The following ACSM1 variants were observed in gnomAD, a reference collection of about 807,000 sequenced individuals.
ACSM1 encodes acyl-CoA synthetase medium chain family member 1.
A neutral mutation model predicts 75.8 loss-of-function variants in ACSM1; 79 were observed. The ratio of observed to expected loss-of-function variants is 1.04; its 90% CI spans 0.87 to 1.26. ACSM1 has a LOEUF of 1.26. Among genes scored for constraint, ACSM1 ranks in the 50% most tolerant of loss-of-function variants. ACSM1 has a pLI of 0.00. For synonymous variants in ACSM1, 279 were observed against 265.8 expected (o/e 1.05, Z -0.48); for missense variants, 676 against 720.1 (o/e 0.94, Z 0.70).
intron 1 of ACSM1, among the ~76,000 whole-genome samples, chr16:20,695,676 CT>C (rs2079686092): frequency 1.4e-5 from 2 of 143,700 alleles, no homozygotes; most frequent in Non-Finnish European, 3.0e-5. Flanking sequence ...TTCTATCTAT[CT>C]ATCATCTATC....
chr16:20,637,346 C>T (rs1417786973), intron 9 of ACSM1, 25 bp downstream of exon 9: 1 of 1,608,072 alleles, frequency 6.2e-7, no homozygotes, highest in African/African-American at 1.3e-5. Context: ...CTAACTGCTC[C>T]CTGCCAATGC....
At chr16:20,685,830 AACAAAC>A (rs1456202353) in intron 2 of ACSM1, among the ~76,000 whole-genome samples, 1 of 90,574 alleles carries the variant, frequency 1.1e-5, no homozygotes, top group Admixed American at 9.5e-5. Context: ...AAAAAAAAAA[AACAAAC>A]AAAAAAAAAA....
At position 20,627,071 on chromosome 16, in the gene ACSM1, C is replaced by T. The variant is rs964371433; in HGVS notation, c.1427+118G>A. 24 of 1,331,568 alleles carry T rather than the reference C, an allele frequency of 1.8e-5. No homozygotes were observed. In the African/African-American group the frequency reaches 2.0e-4, roughly 11 times the overall value. The allele number at this position is 1,331,568 out of a possible 1,614,324, so 82.5% of individuals were successfully genotyped here. On this transcript the variant is annotated intron_variant, in intron 11 of 13. Transcript: ENST00000520010. Reference sequence around the variant, plus strand: ...GCCTGGAATCAGGGCACCATAGACACGGCTCTATTCAGATTTAGGCTGAAA... The same window carrying T: ...GCCTGGAATCAGGGCACCATAGACATGGCTCTATTCAGATTTAGGCTGAAA...
At chr16:20,627,684 C>T (rs1465246128) in intron 10 of ACSM1, among the ~76,000 whole-genome samples, 1 of 151,526 alleles carries the variant, frequency 6.6e-6, no homozygotes, top group Non-Finnish European at 1.5e-5. Context: ...CAAAAATTAG[C>T]TGGGCATGGT....
intron 10 of ACSM1, among the ~76,000 whole-genome samples, chr16:20,631,217 G>T (rs1368360464): frequency 6.6e-6 from 1 of 152,166 alleles, no homozygotes; most frequent in Non-Finnish European, 1.5e-5. Context: ...TCTTGATGGG[G>T]CCTCACATGG....
At chr16:20,652,773 C>T (rs865891731) in intron 7 of ACSM1, among the ~76,000 whole-genome samples, 1 of 152,050 alleles carries the variant, frequency 6.6e-6, no homozygotes, top group African/African-American at 2.4e-5. Context: ...AGCCTACCAA[C>T]CAAAAAAGGC....
At position 20,673,311 on chromosome 16, in the gene ACSM1, A is replaced by G. The variant is rs368721181; in HGVS notation, c.612-1640T>C. On this transcript the variant is annotated intron_variant, in intron 4 of 13. Transcript: ENST00000520010. ...TTCAAAGCAACTGCAAATAATCCCA[A>G]CACGAGAGGAAACACTAGGTCTGCT... 2.9e-4 allele frequency among the ~76,000 whole-genome samples: 44 copies of G among 152,086 alleles called. 1 individual carries two copies. In the South Asian group the frequency reaches 3.9e-3, roughly 14 times the overall value.
At chr16:20,695,578 CCTATCTATTAT>C (rs898373857) in intron 1 of ACSM1, among the ~76,000 whole-genome samples, 10 of 142,766 alleles carry the variant, frequency 7.0e-5, no homozygotes, top group Non-Finnish European at 1.1e-4. Flanking sequence ...CTATCTATTA[CCTATCTATTAT>C]CTATCTATCA....
At chr16:20,690,086 A>G (rs1316601660) in intron 2 of ACSM1, among the ~76,000 whole-genome samples, 1 of 152,254 alleles carries the variant, frequency 6.6e-6, no homozygotes, top group East Asian at 1.9e-4. Flanking sequence ...GTTACTATGC[A>G]AATTCAGAGA....
At chr16:20,672,398 G>A (rs2019965323) in intron 4 of ACSM1, among the ~76,000 whole-genome samples, 2 of 117,550 alleles carry the variant, frequency 1.7e-5, no homozygotes, top group Non-Finnish European at 1.6e-5. Flanking sequence ...GCAGTGAGCC[G>A]AGATCAAACC....
intron 7 of ACSM1, among the ~76,000 whole-genome samples, chr16:20,653,156 A>G (rs1027691643): frequency 6.6e-5 from 10 of 152,250 alleles, no homozygotes; most frequent in Admixed American, 6.5e-4. Context: ...TAAAAACCAC[A>G]TGATTATCTC....
At chr16:20,691,864 G>A (rs1224355164) in intron 1 of ACSM1, among the ~76,000 whole-genome samples, 1 of 151,444 alleles carries the variant, frequency 6.6e-6, no homozygotes, top group African/African-American at 2.4e-5. Flanking sequence ...CACATTTTGT[G>A]TGCTGTTTGT....
intron 5 of ACSM1, 110 bp from the exon 6 acceptor site, chr16:20,670,096 T>A: frequency 9.1e-7 from 1 of 1,096,832 alleles, no homozygotes; most frequent in Non-Finnish European, 1.3e-6. Context: ...TCAGTTCATG[T>A]GATTTGTGTG....
intron 1 of ACSM1, 125 bp from the exon 2 acceptor site, chr16:20,691,364 C>G (rs1221741085): frequency 1.9e-6 from 1 of 530,788 alleles, no homozygotes; most frequent in Admixed American, 4.1e-5. Context: ...TGGAAGGCAC[C>G]CCTGATTGAT....
rs1303124451 is a variant in ACSM1 at position 20,648,849 on chromosome 16, T to C, written c.993-8265A>G. Among the ~76,000 whole-genome samples, 1 of 152,180 alleles carries C rather than the reference T, an allele frequency of 6.6e-6. No individual in the cohort carries two copies. Among genetic ancestry groups the C allele is most frequent in the Non-Finnish European group, 1.5e-5 (1 of 68,028 alleles). On this transcript the variant is annotated intron_variant, in intron 7 of 13. Transcript: ENST00000520010. The surrounding 1 kb of genome is among the most constrained non-coding windows in gnomAD (Gnocchi z 4.2). Reference sequence around the variant, plus strand: ...GATGTCTTATGTTTCCCTAAAAATATAAAACCAAGCTGTAGACCAATCACC... The same window carrying C: ...GATGTCTTATGTTTCCCTAAAAATACAAAACCAAGCTGTAGACCAATCACC...
rs1263179042 is a variant in ACSM1 at position 20,640,450 on chromosome 16, G to A, written c.1116+11C>T. On this transcript the variant is annotated intron_variant, in intron 8 of 13. Coordinates refer to ENST00000520010, the MANE Select transcript of ACSM1 (RefSeq NM_001318890.3). ...ACCTGTCTCAGACACTTTCTGGTTTGCACCACCTACCGTTTCCGACTGCCC... is the reference window on the plus strand; with the variant it reads ...ACCTGTCTCAGACACTTTCTGGTTTACACCACCTACCGTTTCCGACTGCCC... 3 of 1,613,900 alleles carry A rather than the reference G, an allele frequency of 1.9e-6. No individual in the cohort carries two copies. Among genetic ancestry groups the A allele is most frequent in the African/African-American group, 1.3e-5 (1 of 74,906 alleles).
At chr16:20,683,709 C>T (rs1673057) in intron 3 of ACSM1, among the ~76,000 whole-genome samples, 82 of 115,904 alleles carry the variant, frequency 7.1e-4, no homozygotes, top group Non-Finnish European at 8.6e-4. Context: ...CTTTCTCTCT[C>T]TCTCTCTCTT....
At chr16:20,676,656 CAGCCCTTATGGGAA>C (rs2020296192) in intron 4 of ACSM1, among the ~76,000 whole-genome samples, 1 of 152,144 alleles carries the variant, frequency 6.6e-6, no homozygotes, top group African/African-American at 2.4e-5. Flanking sequence ...TTACTAGCAG[CAGCCCTTATGGGAA>C]GAGAAGCTGG....
chr16:20,639,363 C>T (rs1367172739), intron 8 of ACSM1, among the ~76,000 whole-genome samples: 2 of 152,308 alleles, frequency 1.3e-5, no homozygotes, highest in East Asian at 3.9e-4. Context: ...ACAGTCAAAC[C>T]TGCGAGTTGT....
Sources: gnomAD v4.1 joint callset for allele counts (sites outside exome capture counted in the v4.1 genomes callset) on GRCh38, gnomAD v4.1.1 for gene constraint, Gnocchi (gnomAD v3.1) non-coding constraint, MANE v1.5 for transcripts, NCBI Gene and HGNC (gene_info 2026-07-23, HGNC 2026-07-21) for gene names.